Variants in UBAP2 observed in about 807,000 individuals in gnomAD.
UBAP2 encodes the protein ubiquitin associated protein 2.
A neutral mutation model predicts 139.6 loss-of-function variants in UBAP2; 75 were observed. The observed-to-expected ratio is 0.54, with a 90% CI of 0.45 to 0.65. The LOEUF is 0.65. Among genes scored for constraint, UBAP2 ranks in the 30% least tolerant of loss-of-function variants. UBAP2 has a pLI of 0.00. For synonymous variants in UBAP2, 526 were observed against 526.2 expected (o/e 1.00, Z 0.01); for missense variants, 1,368 against 1,369.6 (o/e 1.00, Z 0.02).
chr9:33,955,136 G>A (rs1243649651), intron 11 of UBAP2, among the ~76,000 whole-genome samples: 4 of 150,150 alleles, frequency 2.7e-5, no homozygotes, highest in African/African-American at 9.8e-5. Context: ...TAAATAAATG[G>A]TACATGAAGA....
chr9:33,933,607 G>A lies in UBAP2; in HGVS notation c.1991C>T (p.Pro664Leu). The A allele has an allele frequency of 1.9e-6, 3 of 1,613,934 alleles. No homozygotes were observed. Among genetic ancestry groups the A allele is most frequent in the Non-Finnish European group, 2.5e-6 (3 of 1,180,020 alleles). Residue 664 changes from proline (P) to leucine (L), a missense_variant, in exon 18 of 29, where the codon CCC (proline) becomes CTC (leucine). Physicochemically the swap from Pro to Leu is moderately conservative, Grantham distance 98. Transcript: ENST00000379238. ...TLDTPKTTGP[P>L]SALPSVSSLP... ...GGAGCTCACAGACGGGAGGGCAGAG[G>A]GAGGGCCTGTTGTCTTTGGAGCTGG...
intron 5 of UBAP2, among the ~76,000 whole-genome samples, chr9:33,988,089 T>G (rs1821366685): frequency 6.6e-6 from 1 of 152,176 alleles, no homozygotes; most frequent in Non-Finnish European, 1.5e-5. Context: ...CCAGACCTCT[T>G]CCCATAATTT....
At chr9:33,958,969 T>G (rs1396782542) in intron 10 of UBAP2, among the ~76,000 whole-genome samples, 1 of 151,614 alleles carries the variant, frequency 6.6e-6, no homozygotes, top group African/African-American at 2.4e-5. Flanking sequence ...GCCAACATGG[T>G]GAAACCCCGT....
At chr9:33,971,153 T>C (rs1403101004) in intron 8 of UBAP2, among the ~76,000 whole-genome samples, 1 of 152,158 alleles carries the variant, frequency 6.6e-6, no homozygotes, top group Admixed American at 6.5e-5. Context: ...CAAAGAACTC[T>C]ATATAAATAA....
At chr9:33,959,837 T>TA (rs1360339215) in intron 10 of UBAP2, among the ~76,000 whole-genome samples, 3 of 152,108 alleles carry the variant, frequency 2.0e-5, no homozygotes, top group Non-Finnish European at 4.4e-5. Context: ...TTCTAAAGAA[T>TA]AATAGTTCAC....
At chr9:33,946,553 AG>A (rs1825666736) in intron 13 of UBAP2, among the ~76,000 whole-genome samples, 2 of 152,178 alleles carry the variant, frequency 1.3e-5, no homozygotes, top group African/African-American at 4.8e-5. Context: ...CTATGGGGCC[AG>A]ATAGTACAAC....
At chr9:34,039,703 C>A (rs1461546215) in intron 1 of UBAP2, among the ~76,000 whole-genome samples, 1 of 151,980 alleles carries the variant, frequency 6.6e-6, no homozygotes, top group Non-Finnish European at 1.5e-5. Flanking sequence ...GACACAAACA[C>A]TGCAGAAGGC....
In UBAP2 at chr9:33,948,942, G is replaced by A. The variant is rs1308806654; in HGVS notation, c.1057-355C>T. ...AGGTAGGTGGATTACAAGGTCAGGC[G>A]GATCACGAGGTCAGCAGATTGAGAC... On this transcript the variant is annotated intron_variant, in intron 12 of 28. Transcript: ENST00000379238. The A allele has an allele frequency of 7.8e-5, 15 of 191,418 alleles. No homozygotes were observed. In the South Asian group the frequency reaches 1.0e-3, roughly 13 times the overall value. The allele number at this position is 191,418 out of a possible 1,614,324, so 11.9% of individuals were successfully genotyped here.
chr9:33,936,289 A>AT (rs1347031589), intron 16 of UBAP2, among the ~76,000 whole-genome samples: 3 of 151,230 alleles, frequency 2.0e-5, no homozygotes, highest in Admixed American at 1.3e-4. Flanking sequence ...GACCCAAATA[A>AT]TTTTTTTTTA....
At position 33,971,623 on chromosome 9, in the gene UBAP2, T is replaced by C. The variant is rs913040009; in HGVS notation, c.679+28A>G. 6 of 1,291,380 alleles carry C rather than the reference T, an allele frequency of 4.6e-6. No homozygotes were observed. The East Asian group carries it at 1.4e-4, about 30-fold the overall frequency. The allele number at this position is 1,291,380 out of a possible 1,614,324, so 80.0% of individuals were successfully genotyped here. On this transcript the variant is annotated intron_variant, in intron 8 of 28. Transcript: ENST00000379238. Reference sequence around the variant, plus strand: ...TCTTAATAGCTCAAACATTTAAAACTCATCTCTGGCAAAAACAGAACACTT... The same window carrying C: ...TCTTAATAGCTCAAACATTTAAAACCCATCTCTGGCAAAAACAGAACACTT...
chr9:33,933,568 G>A lies in UBAP2; in HGVS notation c.2030C>T (p.Thr677Ile), dbSNP rs569543050. The stretch of plus-strand genomic sequence containing the variant: ...GGACGGCAGAAGTGCAGTGCAGGAG[G>A]TGGTGCTGGGCAGGGAGCTCACAGA... The part of the protein sequence containing the change: ...LPSVSSLPST[T>I]SCTALLPSTS... Residue 677 changes from threonine (T) to isoleucine (I), a missense_variant, in exon 18 of 29, where the codon ACC becomes ATC. Transcript: ENST00000379238. The A allele has an allele frequency of 6.2e-7, 1 of 1,614,072 alleles. No individual in the cohort carries two copies. The highest frequency in any genetic ancestry group is 8.5e-7 in the Non-Finnish European group (1 of 1,180,026).
rs531124731 is a variant in UBAP2, at chr9:33,991,400, C to T, written c.289-2274G>A. 1.1e-4 allele frequency among the ~76,000 whole-genome samples: 16 copies of T among 152,210 alleles called. No individual in the cohort carries two copies. The South Asian group carries it at 3.1e-3, about 30-fold the overall frequency. On this transcript the variant is annotated intron_variant, in intron 4 of 28. Transcript: ENST00000379238. ...GAGGGGAGGCGGATTCCCAAAATAT[C>T]AAATTCAGGAGACTAAGTAGTCTAG...
intron 2 of UBAP2, among the ~76,000 whole-genome samples, chr9:34,013,324 T>G (rs896278801): frequency 1.3e-5 from 2 of 150,714 alleles, no homozygotes; most frequent in African/African-American, 2.4e-5. Flanking sequence ...CGGAGCTGGG[T>G]GGATCACCTG....
intron 2 of UBAP2, among the ~76,000 whole-genome samples, chr9:34,001,528 T>C (rs1822701342): frequency 6.6e-6 from 1 of 152,218 alleles, no homozygotes; most frequent in Admixed American, 6.5e-5. Flanking sequence ...CAGCATGTCA[T>C]TGTGGCAGCT....
rs139650727 is a variant in UBAP2, at chr9:34,033,598, G to C, written c.-42+15227C>G. 4.6e-4 allele frequency among the ~76,000 whole-genome samples: 70 copies of C among 151,492 alleles called. No individual in the cohort carries two copies. In the East Asian group the frequency reaches 9.7e-3, roughly 21 times the overall value. On this transcript the variant is annotated intron_variant, in intron 1 of 28. Coordinates refer to ENST00000379238, the MANE Select transcript of UBAP2 (RefSeq NM_001370062.2). ...TGTATACTTTTTTTTTTTCTCCTGA[G>C]ACAGGGTCTGACTCTTTCGCCCAGG...
intron 4 of UBAP2, among the ~76,000 whole-genome samples, chr9:33,991,178 C>CTGGG (rs1357054839): frequency 5.3e-5 from 8 of 152,034 alleles, no homozygotes; most frequent in African/African-American, 1.9e-4. Flanking sequence ...CCCAGCTACT[C>CTGGG]AGGAGGCTGA....
chr9:33,944,393 G>A lies in UBAP2; in HGVS notation c.1517C>T (p.Ala506Val). ...HQPQPKHIKL[A>V]KRRIPPASKI... Reference sequence around the variant, plus strand: ...AGAAGCTGGGGGTATCCGCCGCTTAGCAAGTTTGATGTGTTTGGGCTGTGG... The same window carrying A: ...AGAAGCTGGGGGTATCCGCCGCTTAACAAGTTTGATGTGTTTGGGCTGTGG... Residue 506 changes from alanine to valine, a missense_variant, in exon 14 of 29, where the codon GCT becomes GTT. Ala to Val is a moderately conservative substitution (Grantham distance 64). Transcript: ENST00000379238. 1 of 1,613,670 alleles carries A rather than the reference G, an allele frequency of 6.2e-7. No individual in the cohort carries two copies. The highest frequency in any genetic ancestry group is 2.2e-5 in the East Asian group (1 of 44,870).
At chr9:34,018,572 T>A (rs1824605107) in intron 1 of UBAP2, among the ~76,000 whole-genome samples, 1 of 151,960 alleles carries the variant, frequency 6.6e-6, no homozygotes, top group Admixed American at 6.6e-5. Context: ...ATGTTAAGAG[T>A]GCCATTATTG....
chr9:34,025,584 A>G (rs1285195509), intron 1 of UBAP2, among the ~76,000 whole-genome samples: 1 of 152,222 alleles, frequency 6.6e-6, no homozygotes, highest in East Asian at 1.9e-4. Flanking sequence ...TATAATATAA[A>G]GCTTCCTATT....
Sources: allele counts gnomAD v4.1 joint callset (sites outside exome capture counted in the v4.1 genomes callset), GRCh38; gene constraint gnomAD v4.1.1; transcripts MANE v1.5; gene names NCBI Gene and HGNC (gene_info 2026-07-23, HGNC 2026-07-21).